FAT3: variants seen among roughly 807,000 people sequenced by gnomAD.
FAT3 encodes the protein FAT atypical cadherin 3, also known as protocadherin Fat 3.
FAT3 carries 95 observed loss-of-function variants against 310.2 expected under a neutral mutation model. The observed-to-expected ratio is 0.31, with a 90% CI of 0.26 to 0.36. The LOEUF (loss-of-function observed/expected upper bound fraction) is 0.36, where lower values mean the gene tolerates loss of function less well. Ranked by LOEUF, FAT3 falls within the 10% of genes least tolerant of loss-of-function variation. The pLI is 1.00. For missense variants in FAT3, 5,408 were observed against 5,715.6 expected (o/e 0.95, Z 1.74); for synonymous variants, 2,314 against 2,192.9 (o/e 1.06, Z -1.54).
At chr11:92,393,595 G>A (rs1237866793) in intron 2 of FAT3, among the ~76,000 whole-genome samples, 1 of 152,152 alleles carries the variant, frequency 6.6e-6, no homozygotes, top group Non-Finnish European at 1.5e-5. Context: ...TAGCGGAGGG[G>A]AGGGGATGGG....
Position 92,831,686 on chromosome 11 carries a change from C to T in FAT3, c.9546C>T (p.Ser3182=). The part of the protein sequence containing the change: ...DSAGGVFSID[S]SSGIIILEQP... ...CTGGTGGGGTCTTCTCCATTGACAG[C>T]TCATCTGGCATCATCATCCTGGAGC... The change falls in exon 14 of 28, where the codon AGC becomes AGT. Residue 3182 remains serine, a synonymous_variant. Coordinates refer to ENST00000525166, the MANE Select transcript of FAT3 (RefSeq NM_001367949.2). 1.2e-6 allele frequency: 2 copies of T among 1,613,596 alleles called. No homozygotes were observed. Among genetic ancestry groups the T allele is most frequent in the Non-Finnish European group, 8.5e-7 (1 of 1,179,788 alleles).
At chr11:92,400,657 A>G (rs1034654334) in intron 2 of FAT3, 1 of 152,046 alleles carries the variant, frequency 6.6e-6, no homozygotes, top group African/African-American at 2.4e-5. Flanking sequence ...CCAAAGAAAC[A>G]GACACTTGGA....
chr11:92,343,651 T>C (rs1347433544), intron 1 of FAT3, among the ~76,000 whole-genome samples: 1 of 152,226 alleles, frequency 6.6e-6, no homozygotes, highest in African/African-American at 2.4e-5. Context: ...TTGCTTTTTT[T>C]CTAGTGGGAA....
intron 3 of FAT3, among the ~76,000 whole-genome samples, chr11:92,598,184 T>G (rs1301208417): frequency 1.3e-5 from 2 of 148,916 alleles, no homozygotes; most frequent in East Asian, 3.9e-4. Context: ...TTTTAAAAAT[T>G]TATTTTCATG....
chr11:92,820,120 G>T (rs3858368), intron 13 of FAT3, among the ~76,000 whole-genome samples: 47,544 of 152,070 alleles, frequency 0.31, 7,662 homozygotes, highest in Non-Finnish European at 0.33. Context: ...GTATTAGTCT[G>T]CTCAGACTGC....
chr11:92,694,681 T>G (rs1414539696), intron 3 of FAT3, among the ~76,000 whole-genome samples: 1 of 151,592 alleles, frequency 6.6e-6, no homozygotes, highest in Admixed American at 6.6e-5. Flanking sequence ...TGATAGAGAG[T>G]CCCCAGGGGA....
intron 2 of FAT3, among the ~76,000 whole-genome samples, chr11:92,489,527 T>G (rs1952538984): frequency 6.6e-6 from 1 of 152,080 alleles, no homozygotes; most frequent in South Asian, 2.1e-4. Context: ...AGTTTGTTTT[T>G]GCCATGGAAC....
chr11:92,412,402 A>ATTTATTT (rs1950294487), intron 2 of FAT3, among the ~76,000 whole-genome samples: 1 of 101,126 alleles, frequency 9.9e-6, no homozygotes, highest in Non-Finnish European at 1.9e-5. Flanking sequence ...GACCCGGCCT[A>ATTTATTT]TTTTTTTTTT....
chr11:92,461,896 G>T (rs1195516968), intron 2 of FAT3, among the ~76,000 whole-genome samples: 1 of 152,174 alleles, frequency 6.6e-6, no homozygotes, highest in Non-Finnish European at 1.5e-5. Context: ...TTGCAGTGTA[G>T]CAAATGCTTT....
At chr11:92,306,754 AAT>A (rs1219695189) in intron 1 of FAT3, among the ~76,000 whole-genome samples, 7 of 127,782 alleles carry the variant, frequency 5.5e-5, no homozygotes, top group Admixed American at 1.0e-4. Context: ...AATATATATA[AAT>A]ATATATATAA....
intron 3 of FAT3, among the ~76,000 whole-genome samples, chr11:92,645,726 G>C (rs1034941339): frequency 1.3e-5 from 2 of 152,168 alleles, no homozygotes; most frequent in Non-Finnish European, 2.9e-5. Flanking sequence ...ACTTTCTATA[G>C]TTAGCGCTGT....
At chr11:92,670,471 C>G (rs578022872) in intron 3 of FAT3, among the ~76,000 whole-genome samples, 185 of 152,276 alleles carry the variant, frequency 1.2e-3, no homozygotes, top group African/African-American at 4.3e-3. Flanking sequence ...CAAATAGCAT[C>G]CTTTTAGAGG....
In FAT3 at chr11:92,470,249, A is replaced by G. The variant is rs573402159; in HGVS notation, c.3293-54385A>G. On this transcript the variant is annotated intron_variant, in intron 2 of 27. Coordinates refer to ENST00000525166, the MANE Select transcript of FAT3 (RefSeq NM_001367949.2). ...TTGGATAATTATAAGCAAACGTTTC[A>G]TAAACTAAAGACAATTATTCTAGTG... 1.9e-4 allele frequency among the ~76,000 whole-genome samples: 29 copies of G among 152,346 alleles called. 2 individuals carry two copies. In the South Asian group the frequency reaches 6.0e-3, roughly 32 times the overall value.
chr11:92,887,632 T>A (rs1250600406), intron 25 of FAT3, among the ~76,000 whole-genome samples: 1 of 152,202 alleles, frequency 6.6e-6, no homozygotes, highest in African/African-American at 2.4e-5. Flanking sequence ...AGCAGCTCCT[T>A]AGAAAAATGC....
rs554126114 is a variant in FAT3 at position 92,366,980 on chromosome 11, T to C, written c.3292+11576T>C. 4 of 524,146 alleles carry C rather than the reference T, an allele frequency of 7.6e-6. No homozygotes were observed. The East Asian group carries it at 1.6e-4, about 21-fold the overall frequency. The allele number at this position is 524,146 out of a possible 1,614,324, so 32.5% of individuals were successfully genotyped here. On this transcript the variant is annotated intron_variant, in intron 2 of 27. Transcript: ENST00000525166. Reference sequence around the variant, plus strand: ...ATTGACTCTGGTCAGACACCCATAGTGCCCTTATTGAGGTGTCAAGTCCTC... The same window carrying C: ...ATTGACTCTGGTCAGACACCCATAGCGCCCTTATTGAGGTGTCAAGTCCTC...
At chr11:92,374,689 G>A (rs1224715849) in intron 2 of FAT3, among the ~76,000 whole-genome samples, 2 of 152,166 alleles carry the variant, frequency 1.3e-5, no homozygotes, top group Non-Finnish European at 2.9e-5. Flanking sequence ...AAAAGTCGTG[G>A]TGTAAATGGA....
At chr11:92,263,667 A>G (rs1423730393) in intron 1 of FAT3, among the ~76,000 whole-genome samples, 1 of 151,080 alleles carries the variant, frequency 6.6e-6, no homozygotes, top group African/African-American at 2.4e-5. Flanking sequence ...AGAGAGATGC[A>G]TATATATTTG....
In FAT3 at chr11:92,892,393, C is replaced by T. The variant is rs1374052366; in HGVS notation, c.*1280C>T. ...TTCAGTTAACTTTATTTTGGTACTG[C>T]CAATAAAGCAAAATTGTGCTTTTTT... On this transcript the variant is annotated 3_prime_UTR_variant, in exon 28 of 28. Coordinates refer to ENST00000525166, the MANE Select transcript of FAT3 (RefSeq NM_001367949.2). 6.7e-6 allele frequency: 1 copy of T among 149,312 alleles called. No homozygotes were observed. The highest frequency in any genetic ancestry group is 2.5e-5 in the African/African-American group (1 of 40,714). 9.2% of individuals were successfully genotyped at this position (149,312 alleles called of 1,614,324 possible).
rs375597759 is a variant in FAT3, at chr11:92,742,369, C to A, written c.3670-19487C>A. On this transcript the variant is annotated intron_variant, in intron 4 of 27. Coordinates refer to ENST00000525166, the MANE Select transcript of FAT3 (RefSeq NM_001367949.2). ...CATGCAGTGGGAACCCCAATCAAAG[C>A]AGCAAGGGCCTTGGAAGTATATTCT... Among the ~76,000 whole-genome samples, 13 of 152,168 alleles carry A rather than the reference C, an allele frequency of 8.5e-5. No homozygotes were observed. The East Asian group carries it at 2.3e-3, about 27-fold the overall frequency.
Sources: gnomAD v4.1 joint callset for allele counts (sites outside exome capture counted in the v4.1 genomes callset) on GRCh38, gnomAD v4.1.1 for gene constraint, MANE v1.5 for transcripts, NCBI Gene and HGNC (gene_info 2026-07-23, HGNC 2026-07-21) for gene names.